Variants in GPC3 observed in about 807,000 individuals in gnomAD.
The protein encoded by GPC3 is glypican-3.
In GPC3, 3 loss-of-function variants were observed where a neutral mutation model predicts 34.4. The observed-to-expected ratio is 0.09, with a 90% CI of 0.04 to 0.23. The LOEUF (loss-of-function observed/expected upper bound fraction) is 0.23, where lower values mean the gene tolerates loss of function less well. Among genes scored for constraint, GPC3 ranks in the 10% least tolerant of loss-of-function variants. The pLI is 1.00. For synonymous variants in GPC3, 177 were observed against 174.0 expected, an observed-to-expected ratio of 1.02 and a Z score of -0.13; for missense variants, 351 against 445.6, an observed-to-expected ratio of 0.79 and a Z score of 1.91.
intron 6 of GPC3, among the ~76,000 whole-genome samples, chrX:133,650,557 A>C (rs1234808441): frequency 1.8e-5 from 2 of 111,283 alleles, no homozygotes; most frequent in African/African-American, 3.3e-5. Context: ...TAGTTCAAAA[A>C]TCTGTTGAAG....
At chrX:133,936,693 G>A (rs1195670554) in intron 2 of GPC3, among the ~76,000 whole-genome samples, 3 of 112,100 alleles carry the variant, frequency 2.7e-5, no homozygotes, top group Admixed American at 9.5e-5. Flanking sequence ...GCTTTAGAGG[G>A]CTCCTGCATT....
intron 3 of GPC3, among the ~76,000 whole-genome samples, chrX:133,720,620 G>A (rs1341843578): frequency 1.8e-5 from 2 of 111,557 alleles, no homozygotes; most frequent in Non-Finnish European, 3.8e-5. Flanking sequence ...TTTATCAGCA[G>A]CATGAAAACA....
chrX:133,784,119 A>C (rs1197735848), intron 2 of GPC3, among the ~76,000 whole-genome samples: 1 of 111,740 alleles, frequency 8.9e-6, no homozygotes, highest in Non-Finnish European at 1.9e-5. Flanking sequence ...GTGATTCTTT[A>C]TGTTCTTATT....
At chrX:133,904,731 C>T (rs996936146) in intron 2 of GPC3, among the ~76,000 whole-genome samples, 2 of 111,717 alleles carry the variant, frequency 1.8e-5, no homozygotes, top group African/African-American at 6.5e-5. Flanking sequence ...TCACTGGAGT[C>T]CTTAAGAAAC....
At chrX:133,704,761 ACTTT>A (rs751715099) in intron 3 of GPC3, among the ~76,000 whole-genome samples, 175 of 110,881 alleles carry the variant, frequency 1.6e-3, no homozygotes, top group African/African-American at 5.2e-3. Context: ...GGTGAGAGTG[ACTTT>A]CTTGTTTTTG....
intron 6 of GPC3, among the ~76,000 whole-genome samples, chrX:133,631,683 C>A (rs1011830156): frequency 1.8e-5 from 2 of 111,241 alleles, no homozygotes; most frequent in African/African-American, 3.3e-5. Context: ...TTTTGAGGAA[C>A]CACCATACTG....
intron 2 of GPC3, among the ~76,000 whole-genome samples, chrX:133,793,514 A>G (rs1417505328): frequency 6.3e-5 from 7 of 111,617 alleles, no homozygotes; most frequent in African/African-American, 2.3e-4. Flanking sequence ...AAAGCGAAAC[A>G]GATTTTCCTC....
chrX:133,914,561 A>G (rs1212263977), intron 2 of GPC3, among the ~76,000 whole-genome samples: 1 of 111,121 alleles, frequency 9.0e-6, no homozygotes, highest in Non-Finnish European at 1.9e-5. Flanking sequence ...GTCTTTGGAA[A>G]TAAACAGACC....
chrX:133,799,969 TG>T (rs752759037), intron 2 of GPC3, among the ~76,000 whole-genome samples: 1 of 111,935 alleles, frequency 8.9e-6, no homozygotes, highest in Admixed American at 9.4e-5. Flanking sequence ...AAAAGGAACA[TG>T]AATGACTTTG....
At chrX:133,596,033 C>G (rs1285416292) in intron 7 of GPC3, among the ~76,000 whole-genome samples, 2 of 111,325 alleles carry the variant, frequency 1.8e-5, no homozygotes, top group Non-Finnish European at 3.8e-5. Context: ...TTCAGGGGTA[C>G]ATGTCTAGGT....
intron 2 of GPC3, among the ~76,000 whole-genome samples, chrX:133,770,359 ATTATT>A (rs2071903709): frequency 8.9e-6 from 1 of 112,209 alleles, no homozygotes; most frequent in African/African-American, 3.2e-5. Context: ...TGAACACTTG[ATTATT>A]TTAACAGAAT....
chrX:133,890,299 T>C (rs891629872), intron 2 of GPC3, among the ~76,000 whole-genome samples: 3 of 111,882 alleles, frequency 2.7e-5, no homozygotes, highest in African/African-American at 6.5e-5. Flanking sequence ...ATTTTCTTGA[T>C]AGCACAATAA....
intron 7 of GPC3, among the ~76,000 whole-genome samples, chrX:133,594,905 A>T (rs1453215226): frequency 9.0e-6 from 1 of 110,855 alleles, no homozygotes; most frequent in East Asian, 2.8e-4. Flanking sequence ...TCATAAAAAA[A>T]AGTTGAGGCC....
chrX:133,864,876 C>A (rs1232610509), intron 2 of GPC3, among the ~76,000 whole-genome samples: 1 of 112,502 alleles, frequency 8.9e-6, no homozygotes, highest in Non-Finnish European at 1.9e-5. Flanking sequence ...ATGTCACTTG[C>A]ATTTAAATAG....
chrX:133,618,570 G>A (rs150453880), intron 6 of GPC3, among the ~76,000 whole-genome samples: 6,681 of 109,170 alleles, frequency 0.061, 537 homozygotes, highest in African/African-American at 0.21. Flanking sequence ...GTGTGGTAGC[G>A]GTCACCTGTA....
chrX:133,662,668 T>G (rs1235178067), intron 5 of GPC3, among the ~76,000 whole-genome samples: 1 of 112,319 alleles, frequency 8.9e-6, no homozygotes, highest in Admixed American at 9.5e-5. Context: ...GAAGTATTCC[T>G]CATTTTGCGA....
intron 7 of GPC3, among the ~76,000 whole-genome samples, chrX:133,556,800 A>T (rs1256092062): frequency 9.9e-6 from 1 of 100,903 alleles, no homozygotes; most frequent in African/African-American, 3.6e-5. Context: ...GAGGGATAAC[A>T]TTAGGAGATA....
At chrX:133,781,176 A>G (rs1414421580) in intron 2 of GPC3, among the ~76,000 whole-genome samples, 2 of 111,751 alleles carry the variant, frequency 1.8e-5, no homozygotes, top group East Asian at 2.8e-4. Flanking sequence ...TTCTTTCCCA[A>G]CTGCCTCACT....
chrX:133,984,067 G>A (rs1181898531), intron 1 of GPC3, among the ~76,000 whole-genome samples: 2 of 112,984 alleles, frequency 1.8e-5, no homozygotes, highest in Non-Finnish European at 3.7e-5. Context: ...CCCACGGGGT[G>A]CGCATCCGCA....
Sources: gnomAD v4.1 joint callset for allele counts (sites outside exome capture counted in the v4.1 genomes callset) on GRCh38, gnomAD v4.1.1 for gene constraint, MANE v1.5 for transcripts, NCBI Gene and HGNC (gene_info 2026-07-23, HGNC 2026-07-21) for gene names.